KMT2E: variants seen among roughly 807,000 people sequenced by gnomAD.
KMT2E encodes the protein lysine methyltransferase 2E (inactive), also known as histone reader KMT2E.
In KMT2E, 30 loss-of-function variants were observed where a neutral mutation model predicts 184.6. The observed-to-expected ratio is 0.16, with a 90% CI of 0.12 to 0.22. KMT2E has a LOEUF of 0.22. KMT2E is among the 10% of genes least tolerant of loss of function. The pLI is 1.00. For synonymous variants in KMT2E, 815 were observed against 776.5 expected (o/e 1.05, Z -0.82); for missense variants, 2,023 against 2,237.4 (o/e 0.90, Z 1.93).
intron 3 of KMT2E, among the ~76,000 whole-genome samples, chr7:105,050,711 T>C (rs188337873): frequency 1.3e-5 from 2 of 151,206 alleles, no homozygotes; most frequent in African/African-American, 4.9e-5. Context: ...TTCTCTCTCT[T>C]TCTGTCTGTC....
At chr7:105,100,884 A>G (rs903601320) in intron 15 of KMT2E, among the ~76,000 whole-genome samples, 1 of 152,148 alleles carries the variant, frequency 6.6e-6, no homozygotes, top group Non-Finnish European at 1.5e-5. Context: ...GGATTTTATT[A>G]CCCACATCTT....
At chr7:105,106,089 G>A in intron 19 of KMT2E, 86 bp downstream of exon 19, 3 of 1,294,496 alleles carry the variant, frequency 2.3e-6, no homozygotes, top group Non-Finnish European at 3.2e-6. Flanking sequence ...CTAGTTACTG[G>A]TATGCACTTT....
In KMT2E at chr7:105,113,151, G is replaced by A. The variant is rs758081534; in HGVS notation, c.5395G>A (p.Gly1799Arg). The A allele has an allele frequency of 2.1e-5, 34 of 1,614,044 alleles. No homozygotes were observed. Among genetic ancestry groups the A allele is most frequent in the African/African-American group, 2.7e-5 (2 of 74,920 alleles). Reference sequence around the variant, plus strand: ...CACAGGTCCTCATCTCCAGCCCCAAGGACCAAACAGTATTCCAACACCTAC... The same window carrying A: ...CACAGGTCCTCATCTCCAGCCCCAAAGACCAAACAGTATTCCAACACCTAC... ...PVTGPHLQPQ[G>R]PNSIPTPTAS... The change falls in exon 27 of 27, where the codon GGA (glycine) becomes AGA (arginine). Residue 1799 changes from glycine to arginine, a missense_variant. This residue lies in a region of KMT2E where 1,108 missense variants were observed against 1,050.9 expected (regional missense o/e 1.05). Coordinates refer to ENST00000311117, the MANE Select transcript of KMT2E (RefSeq NM_182931.3).
chr7:105,018,106 T>G (rs1239217790), intron 1 of KMT2E, among the ~76,000 whole-genome samples: 6 of 152,206 alleles, frequency 3.9e-5, no homozygotes, highest in Non-Finnish European at 4.4e-5. Context: ...GCTTCTTAAT[T>G]TCCAAGAATA....
At chr7:105,026,288 C>T (rs1368468190) in intron 1 of KMT2E, among the ~76,000 whole-genome samples, 7 of 152,032 alleles carry the variant, frequency 4.6e-5, no homozygotes. Context: ...CTGGTTTATC[C>T]AGTGGGGTTT....
At chr7:105,026,498 G>A (rs1274830830) in intron 1 of KMT2E, among the ~76,000 whole-genome samples, 2 of 152,156 alleles carry the variant, frequency 1.3e-5, no homozygotes, top group Non-Finnish European at 2.9e-5. Context: ...ATTTTGTCTT[G>A]TTCATCTTGC....
chr7:105,108,467 C>A, intron 22 of KMT2E: 1 of 414,460 alleles, frequency 2.4e-6, no homozygotes, highest in Non-Finnish European at 4.8e-6. Flanking sequence ...GAAACTATAG[C>A]ACTTATTTTG....
intron 5 of KMT2E, among the ~76,000 whole-genome samples, chr7:105,066,421 A>G (rs1172991692): frequency 6.6e-6 from 1 of 152,180 alleles, no homozygotes; most frequent in Non-Finnish European, 1.5e-5. Flanking sequence ...TTTTCTCATT[A>G]ATTACAAATA....
intron 1 of KMT2E, among the ~76,000 whole-genome samples, chr7:105,024,946 A>T (rs1795111725): frequency 6.6e-6 from 1 of 152,110 alleles, no homozygotes; most frequent in Non-Finnish European, 1.5e-5. Flanking sequence ...CTATTTGGAT[A>T]AGGAGCTTGA....
intron 3 of KMT2E, among the ~76,000 whole-genome samples, chr7:105,057,077 T>C (rs148080210): frequency 3.9e-5 from 6 of 152,292 alleles, no homozygotes; most frequent in African/African-American, 1.2e-4. Flanking sequence ...CCTAAAATTA[T>C]GGAGTTGAAG....
intron 13 of KMT2E, 102 bp from the exon 14 acceptor site, chr7:105,089,907 T>C (rs1798131258): frequency 1.3e-6 from 2 of 1,508,704 alleles, no homozygotes; most frequent in Admixed American, 2.3e-5. Flanking sequence ...TAATTAATAG[T>C]AATTGCATAC....
chr7:105,038,993 A>G (rs1476267390), intron 2 of KMT2E, among the ~76,000 whole-genome samples: 1 of 152,064 alleles, frequency 6.6e-6, no homozygotes, highest in Non-Finnish European at 1.5e-5. Context: ...CTTTGTCCTG[A>G]GGATAAGCTT....
rs1798911056 is a variant in KMT2E, at chr7:105,106,661, G to A, written c.2736G>A (p.Thr912=). The A allele has an allele frequency of 3.1e-6, 5 of 1,613,786 alleles. No individual in the cohort carries two copies. The highest frequency in any genetic ancestry group is 1.3e-5 in the African/African-American group (1 of 74,858). Residue 912 remains threonine, a synonymous_variant, in exon 20 of 27, where the codon ACG becomes ACA. Transcript: ENST00000311117. ...CTCCTATGGACCCATCTTTTGCCAC[G>A]CCTCCACGGATAAAATCAGATGATG... The part of the protein sequence containing the change: ...DITPMDPSFA[T]PPRIKSDDET...
chr7:105,089,985 A>G (rs2129568853), intron 13 of KMT2E, 24 bp from the exon 14 acceptor site: 8 of 1,588,648 alleles, frequency 5.0e-6, no homozygotes, highest in East Asian at 4.5e-5. Flanking sequence ...TTTGAAATAA[A>G]TATTTAACTG....
intron 7 of KMT2E, among the ~76,000 whole-genome samples, 178 bp downstream of exon 7, chr7:105,073,855 C>A (rs998798075): frequency 3.3e-5 from 5 of 149,774 alleles, no homozygotes; most frequent in Admixed American, 2.0e-4. Context: ...TTTTTTTTCA[C>A]GTATTATAGA....
intron 13 of KMT2E, among the ~76,000 whole-genome samples, chr7:105,085,017 A>T (rs1326689531): frequency 6.6e-6 from 1 of 151,972 alleles, no homozygotes; most frequent in African/African-American, 2.4e-5. Context: ...ATCTACATGC[A>T]TATGCATTCT....
At chr7:105,109,438 T>C (rs920391595) in intron 23 of KMT2E, among the ~76,000 whole-genome samples, 1 of 152,230 alleles carries the variant, frequency 6.6e-6, no homozygotes, top group Admixed American at 6.5e-5. Flanking sequence ...TTATTCATAC[T>C]TTACACACAC....
At chr7:105,028,961 C>A (rs1285334168) in intron 1 of KMT2E, among the ~76,000 whole-genome samples, 1 of 152,074 alleles carries the variant, frequency 6.6e-6, no homozygotes, top group Non-Finnish European at 1.5e-5. Context: ...TCAAAGGCAG[C>A]TGCTTAAGAA....
rs1799490270 is a variant in KMT2E, at chr7:105,114,199, A to C, written c.*866A>C. On this transcript the variant is annotated 3_prime_UTR_variant, in exon 27 of 27. Transcript: ENST00000311117. ...AATTTTCTTTAGCGACTACTACCTC[A>C]GCAACAGGAGGCAGCAAGGGGCTGT... 6.6e-6 allele frequency: 1 copy of C among 152,222 alleles called. No homozygotes were observed. The highest frequency in any genetic ancestry group is 1.9e-4 in the East Asian group (1 of 5,196). The allele number at this position is 152,222 out of a possible 1,614,324, so 9.4% of individuals were successfully genotyped here.
Sources: allele counts gnomAD v4.1 joint callset (sites outside exome capture counted in the v4.1 genomes callset), GRCh38; gene constraint gnomAD v4.1.1; regional missense constraint gnomAD v4.1.1; transcripts MANE v1.5; gene names NCBI Gene and HGNC (gene_info 2026-07-23, HGNC 2026-07-21).